The following MMACHC variants were observed in gnomAD, a reference collection of about 807,000 sequenced individuals.
The protein encoded by MMACHC is metabolism of cobalamin associated C.
MMACHC carries 14 observed loss-of-function variants against 17.6 expected under a neutral mutation model. That is an observed-to-expected ratio of 0.80 (90% confidence interval 0.53 to 1.25). MMACHC has a LOEUF of 1.25. Among genes scored for constraint, MMACHC ranks in the 50% most tolerant of loss-of-function variants. The pLI is 0.00. For missense variants in MMACHC, 392 were observed against 364.5 expected, an observed-to-expected ratio of 1.08 and a Z score of -0.62; for synonymous variants, 151 against 142.1, an observed-to-expected ratio of 1.06 and a Z score of -0.45.
Position 45,510,385 on chromosome 1 carries a change from A to G in MMACHC, c.*1170A>G, listed in dbSNP as rs369646638. 4.6e-5 allele frequency: 7 copies of G among 152,298 alleles called. No individual in the cohort carries two copies. The highest frequency in any genetic ancestry group is 1.7e-4 in the African/African-American group (7 of 41,546). 9.4% of individuals were successfully genotyped at this position (152,298 alleles called of 1,614,324 possible). A position where few individuals can be genotyped will look rare whatever the true frequency, so the allele number is the denominator to read the frequency against. ...GCTGACAGCCTCTCTGAGGACAATG[A>G]CATATGAATGAGGATCAAAACGAGC... On this transcript the variant is annotated 3_prime_UTR_variant, in exon 4 of 4. Coordinates refer to ENST00000401061, the MANE Select transcript of MMACHC (RefSeq NM_015506.3).
intron 1 of MMACHC, among the ~76,000 whole-genome samples, chr1:45,505,226 A>T (rs1181307213): frequency 6.6e-6 from 1 of 150,408 alleles, no homozygotes; most frequent in Non-Finnish European, 1.5e-5. Context: ...ATGCAGGTGG[A>T]TCATGAGGTC....
intron 1 of MMACHC, among the ~76,000 whole-genome samples, chr1:45,506,991 AC>A (rs1643629870): frequency 1.3e-5 from 2 of 151,514 alleles, no homozygotes; most frequent in African/African-American, 2.4e-5. Context: ...ACATGGCGAA[AC>A]CCTGTCTCTA....
intron 1 of MMACHC, among the ~76,000 whole-genome samples, chr1:45,505,732 T>C (rs1220847552): frequency 1.3e-5 from 2 of 151,952 alleles, no homozygotes; most frequent in African/African-American, 2.4e-5. Context: ...TGAAACCTCA[T>C]CTCTACTAAA....
chr1:45,506,740 G>A (rs1390209753), intron 1 of MMACHC, among the ~76,000 whole-genome samples: 1 of 151,804 alleles, frequency 6.6e-6, no homozygotes, highest in East Asian at 2.0e-4. Context: ...ACCTGCCTCG[G>A]CCTCCCAAAG....
chr1:45,500,327 T>G lies in MMACHC; in HGVS notation c.-6T>G. 1.9e-6 allele frequency: 3 copies of G among 1,613,930 alleles called. No individual in the cohort carries two copies. In the East Asian group the frequency reaches 6.7e-5, roughly 36 times the overall value. ...TCCCCAGCAAGCTCAGCGTGTAACG[T>G]GCGCTATGGAGCCGAAAGTCGCAGA... On this transcript the variant is annotated 5_prime_UTR_variant, in exon 1 of 4. Transcript: ENST00000401061.
Position 45,502,653 on chromosome 1 carries a change from C to CCTGA in MMACHC, c.81+2241_81+2242insTGAC, listed in dbSNP as rs540134286. On this transcript the variant is annotated intron_variant, in intron 1 of 3. Coordinates refer to ENST00000401061, the MANE Select transcript of MMACHC (RefSeq NM_015506.3). Reference sequence around the variant, plus strand: ...CTCCCTACATCAACCTGACAGTTGACCAGTTGACTTTCTAGCCTTCAAGAC... The same window carrying CCTGA: ...CTCCCTACATCAACCTGACAGTTGACCTGACAGTTGACTTTCTAGCCTTCAAGAC... Among the ~76,000 whole-genome samples the CCTGA allele has an allele frequency of 1.2e-4, 19 of 152,194 alleles. No individual in the cohort carries two copies. In the East Asian group the frequency reaches 3.5e-3, roughly 28 times the overall value.
In MMACHC at chr1:45,509,447, T is replaced by G; in HGVS notation, c.*232T>G. 1 of 452,970 alleles carries G rather than the reference T, an allele frequency of 2.2e-6. No homozygotes were observed. The highest frequency in any genetic ancestry group is 3.8e-6 in the Non-Finnish European group (1 of 265,362). 28.1% of individuals were successfully genotyped at this position (452,970 alleles called of 1,614,324 possible). ...TTTTTTTTTTTAGACAGAGTCTTAC[T>G]CTGTCACCTAGGCTGGAGTGCAGTG... On this transcript the variant is annotated 3_prime_UTR_variant, in exon 4 of 4. Coordinates refer to ENST00000401061, the MANE Select transcript of MMACHC (RefSeq NM_015506.3).
At position 45,511,274 on chromosome 1, in the gene MMACHC, G is replaced by T; in HGVS notation, c.*2059G>T. The T allele has an allele frequency of 7.3e-7, 1 of 1,367,486 alleles. No homozygotes were observed. The highest frequency in any genetic ancestry group is 1.3e-5 in the South Asian group (1 of 74,596). 84.7% of individuals were successfully genotyped at this position (1,367,486 alleles called of 1,614,324 possible). A position where few individuals can be genotyped will look rare whatever the true frequency, so the allele number is the denominator to read the frequency against. On this transcript the variant is annotated 3_prime_UTR_variant, in exon 4 of 4. Transcript: ENST00000401061. The stretch of plus-strand genomic sequence containing the variant: ...ACTAATGGAAAAAAAAAATACAGAA[G>T]AGGTTTTGTTCTCATGGCTGCCCAC...
rs1317317356 is a variant in MMACHC, at chr1:45,509,033, T to C, written c.667T>C (p.Phe223Leu). The C allele has an allele frequency of 6.2e-7, 1 of 1,614,038 alleles. No individual in the cohort carries two copies. Among genetic ancestry groups the C allele is most frequent in the Non-Finnish European group, 8.5e-7 (1 of 1,180,000 alleles). The change falls in exon 4 of 4, where the codon TTC (phenylalanine) becomes CTC (leucine). Residue 223 changes from phenylalanine to leucine, a missense_variant. By Grantham distance (22) the Phe-to-Leu change is conservative. Coordinates refer to ENST00000401061, the MANE Select transcript of MMACHC (RefSeq NM_015506.3). ...CTACTCAGAAGAGCAGAAGGCCTAC[T>C]TCTCCACTCCACCTGCCCAACGATT... ...ERYSEEQKAY[F>L]STPPAQRLAL...
In MMACHC at chr1:45,511,080, A is replaced by C. The variant is rs1255823715; in HGVS notation, c.*1865A>C. 1 of 344,970 alleles carries C rather than the reference A, an allele frequency of 2.9e-6. No individual in the cohort carries two copies. The highest frequency in any genetic ancestry group is 1.2e-4 in the South Asian group (1 of 8,418). The allele number at this position is 344,970 out of a possible 1,614,324, so 21.4% of individuals were successfully genotyped here. A position where few individuals can be genotyped will look rare whatever the true frequency, so the allele number is the denominator to read the frequency against. On this transcript the variant is annotated 3_prime_UTR_variant, in exon 4 of 4. Transcript: ENST00000401061. ...AGTTCAAGTTTAATACAAACTACAAAAGATTAATGGGTTGCTCTACTAATA... is the reference window on the plus strand; with the variant it reads ...AGTTCAAGTTTAATACAAACTACAACAGATTAATGGGTTGCTCTACTAATA...
Position 45,507,452 on chromosome 1 carries a change from G to A in MMACHC, c.178G>A (p.Asp60Asn), listed in dbSNP as rs6662272. The A allele has an allele frequency of 6.2e-7, 1 of 1,614,128 alleles. No individual in the cohort carries two copies. The highest frequency in any genetic ancestry group is 2.2e-5 in the East Asian group (1 of 44,876). ...GGTACTCAGCACGCCTGCCATGTTT[G>A]ACCGGGCCCTCAAGCCCTTCTTGCA... The part of the protein sequence containing the change: ...FLVLSTPAMF[D>N]RALKPFLQSC... The change falls in exon 2 of 4, where the codon GAC becomes AAC. Residue 60 changes from aspartate to asparagine, a missense_variant. By Grantham distance (23) the Asp-to-Asn change is conservative. Transcript: ENST00000401061.
intron 1 of MMACHC, among the ~76,000 whole-genome samples, chr1:45,505,670 A>C (rs1485577701): frequency 6.6e-6 from 1 of 151,554 alleles, no homozygotes; most frequent in Non-Finnish European, 1.5e-5. Flanking sequence ...TTGGGAGGCC[A>C]AGTCAGGTGG....
chr1:45,511,650 A>G lies in MMACHC; in HGVS notation c.*2435A>G. On this transcript the variant is annotated 3_prime_UTR_variant, in exon 4 of 4. Coordinates refer to ENST00000401061, the MANE Select transcript of MMACHC (RefSeq NM_015506.3). ...TTTATTCATGTAGCACTTGAAATTT[A>G]AATTTTCCACAAAAAAAGGCAAAGT... is the stretch of plus-strand genomic sequence containing the variant. 1 of 371,796 alleles carries G rather than the reference A, an allele frequency of 2.7e-6. No homozygotes were observed. The allele number at this position is 371,796 out of a possible 1,614,324, so 23.0% of individuals were successfully genotyped here.
In MMACHC at chr1:45,500,366, A is replaced by G; in HGVS notation, c.34A>G (p.Ile12Val). ...EPKVAELKQKIEDTLCPFGFE... is the reference protein window; with the variant it reads ...EPKVAELKQKVEDTLCPFGFE... Reference sequence around the variant, plus strand: ...GAAAGTCGCAGAGCTGAAGCAGAAGATCGAGGACACGCTATGTCCTTTTGG... The same window carrying G: ...GAAAGTCGCAGAGCTGAAGCAGAAGGTCGAGGACACGCTATGTCCTTTTGG... Residue 12 changes from isoleucine to valine, a missense_variant, in exon 1 of 4, where the codon ATC (isoleucine) becomes GTC (valine). Coordinates refer to ENST00000401061, the MANE Select transcript of MMACHC (RefSeq NM_015506.3). 1.2e-6 allele frequency: 2 copies of G among 1,614,178 alleles called. No homozygotes were observed. The highest frequency in any genetic ancestry group is 1.7e-6 in the Non-Finnish European group (2 of 1,180,030).
Position 45,500,354 on chromosome 1 carries a change from C to G in MMACHC, c.22C>G (p.Leu8Val). ...CGCTATGGAGCCGAAAGTCGCAGAG[C>G]TGAAGCAGAAGATCGAGGACACGCT... is the stretch of plus-strand genomic sequence containing the variant. MEPKVAE[L>V]KQKIEDTLCP... The change falls in exon 1 of 4, where the codon CTG (leucine) becomes GTG (valine). Residue 8 changes from leucine (L) to valine (V), a missense_variant. By Grantham distance (32) the Leu-to-Val change is conservative. Transcript: ENST00000401061. The G allele has an allele frequency of 9.9e-6, 16 of 1,614,180 alleles. No homozygotes were observed. Among genetic ancestry groups the G allele is most frequent in the Non-Finnish European group, 1.4e-5 (16 of 1,180,046 alleles).
At position 45,513,366 on chromosome 1, in the gene MMACHC, A is replaced by C. The variant is rs1014691960; in HGVS notation, c.*4151A>C. 1.3e-5 allele frequency: 2 copies of C among 152,192 alleles called. No individual in the cohort carries two copies. The highest frequency in any genetic ancestry group is 4.8e-5 in the African/African-American group (2 of 41,434). 9.4% of individuals were successfully genotyped at this position (152,192 alleles called of 1,614,324 possible). Reference sequence around the variant, plus strand: ...AGAGGAGTATGTATACTTTGAATAAAAAGCCTTTATATTCTCCTTCCCAAG... The same window carrying C: ...AGAGGAGTATGTATACTTTGAATAACAAGCCTTTATATTCTCCTTCCCAAG... On this transcript the variant is annotated 3_prime_UTR_variant, in exon 4 of 4. Coordinates refer to ENST00000401061, the MANE Select transcript of MMACHC (RefSeq NM_015506.3).
rs1482277214 is a variant in MMACHC, at chr1:45,509,417, T to TTTTTTG, written c.*207_*208insGTTTTT. 5 of 269,832 alleles carry TTTTTTG rather than the reference T, an allele frequency of 1.9e-5. No homozygotes were observed. The highest frequency in any genetic ancestry group is 1.0e-4 in the African/African-American group (1 of 9,978). 16.7% of individuals were successfully genotyped at this position (269,832 alleles called of 1,614,324 possible). On this transcript the variant is annotated 3_prime_UTR_variant, in exon 4 of 4. Coordinates refer to ENST00000401061, the MANE Select transcript of MMACHC (RefSeq NM_015506.3). ...GAATTCCCATCTGCCTTCAAATGAG[T>TTTTTTG]TTTTTTTTTTTTTTTAGACAGAGTC...
rs1643763057 is a variant in MMACHC at position 45,512,128 on chromosome 1, G to C, written c.*2913G>C. ...GAGTCTCCCTCTGTTGCCCAGGCTGGAGTACGGTGGCGCAATCTCCACCTC... is the reference window on the plus strand; with the variant it reads ...GAGTCTCCCTCTGTTGCCCAGGCTGCAGTACGGTGGCGCAATCTCCACCTC... On this transcript the variant is annotated 3_prime_UTR_variant, in exon 4 of 4. Transcript: ENST00000401061. 1 of 138,504 alleles carries C rather than the reference G, an allele frequency of 7.2e-6. No homozygotes were observed. Among genetic ancestry groups the C allele is most frequent in the African/African-American group, 2.8e-5 (1 of 35,848 alleles). 8.6% of individuals were successfully genotyped at this position (138,504 alleles called of 1,614,324 possible).
chr1:45,508,499 C>T, intron 3 of MMACHC, 135 bp downstream of exon 3: 1 of 1,082,294 alleles, frequency 9.2e-7, no homozygotes, highest in Admixed American at 2.5e-5. Flanking sequence ...GGATGGGAGG[C>T]AGTCCTGTCA....
Sources: allele counts gnomAD v4.1 joint callset (sites outside exome capture counted in the v4.1 genomes callset), GRCh38; gene constraint gnomAD v4.1.1; transcripts MANE v1.5; gene names NCBI Gene and HGNC (gene_info 2026-07-23, HGNC 2026-07-21).